Variants in NAB1 observed in about 807,000 individuals in gnomAD.
The protein encoded by NAB1 is NGFI-A-binding protein 1.
NAB1 carries 25 observed loss-of-function variants against 49.9 expected under a neutral mutation model. The ratio of observed to expected loss-of-function variants is 0.50; its 90% CI spans 0.37 to 0.70. The LOEUF (loss-of-function observed/expected upper bound fraction) is 0.70. Among genes scored for constraint, NAB1 ranks in the 30% least tolerant of loss-of-function variants. The probability of loss-of-function intolerance (pLI) is 0.00; values close to 1 mark genes in which losing one functional copy is unlikely to be tolerated. For synonymous variants in NAB1, 198 were observed against 215.6 expected (o/e 0.92, Z 0.71); for missense variants, 489 against 575.9 (o/e 0.85, Z 1.54).
chr2:190,683,814 C>A lies in NAB1; in HGVS notation c.1082C>A (p.Ala361Asp). The change falls in exon 7 of 10, where the codon GCT becomes GAT. Residue 361 changes from alanine to aspartate, a missense_variant. Physicochemically the swap from Ala to Asp is moderately radical, Grantham distance 126. Transcript: ENST00000337386. ...AGAGCTAAGAGTGAAGAACTTGCAG[C>A]TCTTAGTTCACAGGTAACATAAACT... is the stretch of plus-strand genomic sequence containing the variant. Reference protein sequence around the residue: ...QARAKSEELAALSSQQPEKVM... With the variant: ...QARAKSEELADLSSQQPEKVM... 1 of 1,612,812 alleles carries A rather than the reference C, an allele frequency of 6.2e-7. No homozygotes were observed. The highest frequency in any genetic ancestry group is 8.5e-7 in the Non-Finnish European group (1 of 1,179,262).
At position 190,654,808 on chromosome 2, in the gene NAB1, A is replaced by C. The variant is rs1413193602; in HGVS notation, c.-196-1169A>C. The stretch of plus-strand genomic sequence containing the variant: ...AGAGAAAGAAGTGGTGGTGTAGCCT[A>C]AGGACATGTAGATTTGAGGAAGAAA... On this transcript the variant is annotated intron_variant, in intron 2 of 9. Coordinates refer to ENST00000337386, the MANE Select transcript of NAB1 (RefSeq NM_005966.4). The surrounding 1 kb of genome is among the most constrained non-coding windows in gnomAD (Gnocchi z 5.6). Among the ~76,000 whole-genome samples the C allele has an allele frequency of 6.6e-6, 1 of 152,160 alleles. No individual in the cohort carries two copies. Among genetic ancestry groups the C allele is most frequent in the East Asian group, 1.9e-4 (1 of 5,200 alleles).
intron 3 of NAB1, among the ~76,000 whole-genome samples, chr2:190,656,763 T>G (rs1693942348): frequency 6.6e-6 from 1 of 152,220 alleles, no homozygotes; most frequent in Non-Finnish European, 1.5e-5. Flanking sequence ...AGTTCTTAAG[T>G]TTCTCTTTTG....
chr2:190,652,906 A>G lies in NAB1; in HGVS notation c.-197+2924A>G, dbSNP rs1275801466. Among the ~76,000 whole-genome samples, 1 of 152,216 alleles carries G rather than the reference A, an allele frequency of 6.6e-6. No homozygotes were observed. The highest frequency in any genetic ancestry group is 1.5e-5 in the Non-Finnish European group (1 of 68,032). On this transcript the variant is annotated intron_variant, in intron 2 of 9. Transcript: ENST00000337386. The surrounding 1 kb of genome is among the most constrained non-coding windows in gnomAD (Gnocchi z 4.2). ...CGAAAATAATTAATTGCATAGAGCA[A>G]GCTTGTCCAACCCGAGGCCTGTGGT...
intron 2 of NAB1, among the ~76,000 whole-genome samples, chr2:190,653,291 A>G (rs2125556158): frequency 6.6e-6 from 1 of 152,054 alleles, no homozygotes; most frequent in South Asian, 2.1e-4. Context: ...TCAATCTTTC[A>G]TTAATGTGCA....
chr2:190,663,394 C>G lies in NAB1; in HGVS notation c.819+3399C>G, dbSNP rs1694323252. 6.6e-6 allele frequency among the ~76,000 whole-genome samples: 1 copy of G among 152,324 alleles called. No individual in the cohort carries two copies. The highest frequency in any genetic ancestry group is 2.4e-5 in the African/African-American group (1 of 41,566). ...TTTTTAGAGATCTGCAAACTAGGGT[C>G]TGTGTGCCCAGTCTCACTCACCTCC... On this transcript the variant is annotated intron_variant, in intron 4 of 9. Coordinates refer to ENST00000337386, the MANE Select transcript of NAB1 (RefSeq NM_005966.4). This position sits in a 1 kb window ranked among gnomAD's most constrained non-coding sequence, Gnocchi z 4.2.
In NAB1 at chr2:190,682,749, G is replaced by T. The variant is rs976919308; in HGVS notation, c.1006-989G>T. On this transcript the variant is annotated intron_variant, in intron 6 of 9. Transcript: ENST00000337386. This position sits in a 1 kb window ranked among gnomAD's most constrained non-coding sequence, Gnocchi z 4.1. The stretch of plus-strand genomic sequence containing the variant: ...TAAAACAGGCATATAAAAATTAAAT[G>T]ATTTTTGAGTATCAAAAGTATAGAT... 3.3e-5 allele frequency among the ~76,000 whole-genome samples: 5 copies of T among 152,098 alleles called. No individual in the cohort carries two copies. Among genetic ancestry groups the T allele is most frequent in the Admixed American group, 2.0e-4 (3 of 15,278 alleles).
In NAB1 at chr2:190,659,697, C is replaced by T. The variant is rs1489531986; in HGVS notation, c.521C>T (p.Ser174Phe). ...HHATESEHSL[S>F]PADLGSPASP... ...GCCACTGAGAGCGAGCACAGCCTCT[C>T]CCCAGCAGACCTGGGCTCCCCCGCG... The change falls in exon 4 of 10, where the codon TCC (serine) becomes TTC (phenylalanine). Residue 174 changes from serine (S) to phenylalanine (F), a missense_variant. Physicochemically the swap from Ser to Phe is radical, Grantham distance 155 (BLOSUM62 -2). Around this residue, in one of 4 missense-constraint regions of NAB1, gnomAD observed 204 missense variants for 220.9 expected, o/e 0.92. Transcript: ENST00000337386. The surrounding 1 kb of genome is among the most constrained non-coding windows in gnomAD (Gnocchi z 6.2). The T allele has an allele frequency of 1.2e-6, 2 of 1,613,800 alleles. No homozygotes were observed. Among genetic ancestry groups the T allele is most frequent in the Admixed American group, 1.7e-5 (1 of 60,012 alleles).
chr2:190,688,638 A>G (rs2125888467), intron 9 of NAB1, among the ~76,000 whole-genome samples: 1 of 152,340 alleles, frequency 6.6e-6, no homozygotes, highest in Non-Finnish European at 1.5e-5. Flanking sequence ...TACATTGATC[A>G]TGTGTCTCAT....
Position 190,679,287 on chromosome 2 carries a change from C to A in NAB1, c.1006-4451C>A, listed in dbSNP as rs1695216205. The stretch of plus-strand genomic sequence containing the variant: ...CCTTAAATCTACTTTATGTGACATG[C>A]AGTGATAGCTACTCGATTTTGTAGT... On this transcript the variant is annotated intron_variant, in intron 6 of 9. Transcript: ENST00000337386. The surrounding 1 kb of genome is among the most constrained non-coding windows in gnomAD (Gnocchi z 5.3). 6.6e-6 allele frequency among the ~76,000 whole-genome samples: 1 copy of A among 152,158 alleles called. No individual in the cohort carries two copies. Among genetic ancestry groups the A allele is most frequent in the Non-Finnish European group, 1.5e-5 (1 of 68,030 alleles).
chr2:190,681,462 GA>G (rs1695340838), intron 6 of NAB1, among the ~76,000 whole-genome samples: 1 of 152,138 alleles, frequency 6.6e-6, no homozygotes, highest in East Asian at 1.9e-4. Context: ...GAATGGCTAA[GA>G]AAAAGGGAAC....
rs1239091830 is a variant in NAB1, at chr2:190,691,210, A to G, written c.*877A>G. On this transcript the variant is annotated 3_prime_UTR_variant, in exon 10 of 10. Coordinates refer to ENST00000337386, the MANE Select transcript of NAB1 (RefSeq NM_005966.4). This position sits in a 1 kb window ranked among gnomAD's most constrained non-coding sequence, Gnocchi z 4.1. ...GATTAAGACACAGTAAGTTAACCCT[A>G]CATGTTATAAAGATGGCGACTGTTA... The G allele has an allele frequency of 6.6e-6, 1 of 152,554 alleles. No individual in the cohort carries two copies. The highest frequency in any genetic ancestry group is 1.5e-5 in the Non-Finnish European group (1 of 67,954). The allele number at this position is 152,554 out of a possible 1,614,324, so 9.5% of individuals were successfully genotyped here. A position where few individuals can be genotyped will look rare whatever the true frequency, so the allele number is the denominator to read the frequency against.
At chr2:190,658,526 AC>A (rs1214843723) in intron 3 of NAB1, among the ~76,000 whole-genome samples, 1 of 152,190 alleles carries the variant, frequency 6.6e-6, no homozygotes, top group East Asian at 1.9e-4. Flanking sequence ...CTAAGTGATC[AC>A]CAAGTCTTGT....
Position 190,675,265 on chromosome 2 carries a change from C to T in NAB1, c.1005+2113C>T, listed in dbSNP as rs1695016231. On this transcript the variant is annotated intron_variant, in intron 6 of 9. Coordinates refer to ENST00000337386, the MANE Select transcript of NAB1 (RefSeq NM_005966.4). This position sits in a 1 kb window ranked among gnomAD's most constrained non-coding sequence, Gnocchi z 5.2. Reference sequence around the variant, plus strand: ...GCCCTAAGTGTGATCATGATTCAGGCTGCTCACATTTAAGCCACACTTGTC... The same window carrying T: ...GCCCTAAGTGTGATCATGATTCAGGTTGCTCACATTTAAGCCACACTTGTC... Among the ~76,000 whole-genome samples, 1 of 152,206 alleles carries T rather than the reference C, an allele frequency of 6.6e-6. No homozygotes were observed. Among genetic ancestry groups the T allele is most frequent in the Admixed American group, 6.5e-5 (1 of 15,284 alleles).
rs568541614 is a variant in NAB1, at chr2:190,657,151, A to C, written c.-20+998A>C. Among the ~76,000 whole-genome samples the C allele has an allele frequency of 2.0e-5, 3 of 152,078 alleles. No homozygotes were observed. Among genetic ancestry groups the C allele is most frequent in the Admixed American group, 1.3e-4 (2 of 15,262 alleles). ...TCCAACACTTTATAGCAGCCCTTCT[A>C]TTTGGTATAGTGTAGTTTAATATAG... On this transcript the variant is annotated intron_variant, in intron 3 of 9. Transcript: ENST00000337386. This position sits in a 1 kb window ranked among gnomAD's most constrained non-coding sequence, Gnocchi z 4.4.
chr2:190,685,452 T>C lies in NAB1; in HGVS notation c.1096-24T>C, dbSNP rs2125861199. ...AAATCTAGAATGTTTCAGTTACTGA[T>C]TTGATTTTTGCTTTACTTACTAGCA... On this transcript the variant is annotated intron_variant, in intron 7 of 9. Coordinates refer to ENST00000337386, the MANE Select transcript of NAB1 (RefSeq NM_005966.4). The surrounding 1 kb of genome is among the most constrained non-coding windows in gnomAD (Gnocchi z 4.5). The C allele has an allele frequency of 1.3e-6, 2 of 1,580,494 alleles. No individual in the cohort carries two copies. Among genetic ancestry groups the C allele is most frequent in the African/African-American group, 2.7e-5 (2 of 73,752 alleles).
At chr2:190,688,307 GA>G (rs1273905809) in intron 9 of NAB1, among the ~76,000 whole-genome samples, 1 of 152,030 alleles carries the variant, frequency 6.6e-6, no homozygotes, top group Non-Finnish European at 1.5e-5. Context: ...GTATTTACTA[GA>G]AAAAAAGTGT....
chr2:190,659,798 C>T lies in NAB1; in HGVS notation c.622C>T (p.Pro208Ser), dbSNP rs755353451. The T allele has an allele frequency of 3.2e-5, 52 of 1,614,008 alleles. No individual in the cohort carries two copies. In the South Asian group the frequency reaches 5.4e-4, roughly 17 times the overall value. ...SVAECVERMA[P>S]TLPKSDLNEV... ...GGCTGAGTGTGTGGAGCGGATGGCC[C>T]CCACACTGCCAAAAAGTGACTTGAA... The change falls in exon 4 of 10, where the codon CCC becomes TCC. Residue 208 changes from proline (P) to serine (S), a missense_variant. By Grantham distance (74) the Pro-to-Ser change is moderately conservative. Around this residue, in one of 4 missense-constraint regions of NAB1, gnomAD observed 204 missense variants for 220.9 expected, o/e 0.92. Coordinates refer to ENST00000337386, the MANE Select transcript of NAB1 (RefSeq NM_005966.4). This position sits in a 1 kb window ranked among gnomAD's most constrained non-coding sequence, Gnocchi z 6.2.
chr2:190,667,810 C>T lies in NAB1; in HGVS notation c.820-2516C>T, dbSNP rs1410442611. Reference sequence around the variant, plus strand: ...AGGTGGGAAAAGTAAAACGATTAGACTAAATTATGGAACATTTATATATTA... The same window carrying T: ...AGGTGGGAAAAGTAAAACGATTAGATTAAATTATGGAACATTTATATATTA... On this transcript the variant is annotated intron_variant, in intron 4 of 9. Coordinates refer to ENST00000337386, the MANE Select transcript of NAB1 (RefSeq NM_005966.4). The surrounding 1 kb of genome is among the most constrained non-coding windows in gnomAD (Gnocchi z 4.4). 2.0e-5 allele frequency among the ~76,000 whole-genome samples: 3 copies of T among 151,926 alleles called. No individual in the cohort carries two copies. The highest frequency in any genetic ancestry group is 4.4e-5 in the Non-Finnish European group (3 of 67,956).
At chr2:190,658,924 T>C in intron 3 of NAB1, 1 of 379,616 alleles carries the variant, frequency 2.6e-6, no homozygotes, top group South Asian at 5.8e-5. Context: ...AACCTCCAGA[T>C]TCCTGCTTAC....
Sources: allele counts gnomAD v4.1 joint callset (sites outside exome capture counted in the v4.1 genomes callset), GRCh38; gene constraint gnomAD v4.1.1; regional missense constraint gnomAD v4.1.1; non-coding constraint Gnocchi (gnomAD v3.1); transcripts MANE v1.5; gene names NCBI Gene and HGNC (gene_info 2026-07-23, HGNC 2026-07-21).